B3GALT1: variants seen among roughly 807,000 people sequenced by gnomAD.
B3GALT1 encodes the protein beta-1,3-galactosyltransferase 1.
Under a neutral mutation model 23.2 loss-of-function variants are expected in B3GALT1, and 10 were observed. That is an observed-to-expected ratio of 0.43 (90% CI 0.27 to 0.73). The LOEUF (loss-of-function observed/expected upper bound fraction) is 0.73, where lower values mean the gene tolerates loss of function less well. B3GALT1 is among the 30% of genes least tolerant of loss of function. The probability of loss-of-function intolerance (pLI) is 0.21; values close to 1 mark genes in which losing one functional copy is unlikely to be tolerated. For synonymous variants in B3GALT1, 156 were observed against 141.5 expected (o/e 1.10, Z -0.73); for missense variants, 299 against 405.4 (o/e 0.74, Z 2.25).
intron 3 of B3GALT1, among the ~76,000 whole-genome samples, chr2:167,719,229 T>C (rs1169647570): frequency 6.6e-6 from 1 of 152,250 alleles, no homozygotes; most frequent in Non-Finnish European, 1.5e-5. Flanking sequence ...TTACTCATTT[T>C]CTATGTTTTT....
rs141167824 is a variant in B3GALT1, at chr2:167,816,986, T to C, written c.-351-1686T>C. Among the ~76,000 whole-genome samples the C allele has an allele frequency of 1.3e-3, 204 of 152,312 alleles. 1 individual carries two copies. The highest frequency in any genetic ancestry group is 4.4e-3 in the African/African-American group (183 of 41,572). ...CCAAGTGTTGCAATACTTTTGATTG[T>C]TTCTGGGACTCTTTTGCTTTGGTAT... On this transcript the variant is annotated intron_variant, in intron 3 of 4. Coordinates refer to ENST00000392690, the MANE Select transcript of B3GALT1 (RefSeq NM_020981.4).
intron 3 of B3GALT1, among the ~76,000 whole-genome samples, chr2:167,694,335 T>C (rs1486638795): frequency 2.0e-5 from 3 of 152,184 alleles, no homozygotes; most frequent in African/African-American, 7.2e-5. Context: ...TTTCAATTAA[T>C]AGATCATTTA....
chr2:167,520,604 T>C (rs1368133689), intron 2 of B3GALT1, among the ~76,000 whole-genome samples: 1 of 152,198 alleles, frequency 6.6e-6, no homozygotes, highest in African/African-American at 2.4e-5. Context: ...AAAAAACCGT[T>C]GCCATGACTT....
intron 2 of B3GALT1, among the ~76,000 whole-genome samples, chr2:167,498,743 A>G (rs1699809677): frequency 1.3e-5 from 2 of 152,154 alleles, no homozygotes; most frequent in African/African-American, 4.8e-5. Flanking sequence ...TCTGAAAAAG[A>G]TGCAATTCAT....
chr2:167,462,449 A>G (rs1253074371), intron 1 of B3GALT1, among the ~76,000 whole-genome samples: 1 of 152,168 alleles, frequency 6.6e-6, no homozygotes, highest in Non-Finnish European at 1.5e-5. Context: ...CAAGACCTTT[A>G]TCCTTTCCCT....
chr2:167,699,990 G>A (rs1011016149), intron 3 of B3GALT1, among the ~76,000 whole-genome samples: 3 of 152,214 alleles, frequency 2.0e-5, no homozygotes, highest in African/African-American at 7.2e-5. Context: ...TGGGATTACA[G>A]GCGTGAGCCA....
At chr2:167,390,001 GACATGAGCTGTATTAAGGAC>G (rs1412077040) in intron 1 of B3GALT1, among the ~76,000 whole-genome samples, 2 of 151,966 alleles carry the variant, frequency 1.3e-5, no homozygotes, top group African/African-American at 2.4e-5. Flanking sequence ...GACTGAGAGG[GACATGAGCTGTATTAAGGAC>G]GCATCAAGGC....
rs111300780 is a variant in B3GALT1, at chr2:167,518,580, A to G, written c.-410+28303A>G. On this transcript the variant is annotated intron_variant, in intron 2 of 4. Coordinates refer to ENST00000392690, the MANE Select transcript of B3GALT1 (RefSeq NM_020981.4). Reference sequence around the variant, plus strand: ...GTAAGAATTCAGCATGCAATAGCTGATATCAGCATCATCTCAGGAACTGTT... The same window carrying G: ...GTAAGAATTCAGCATGCAATAGCTGGTATCAGCATCATCTCAGGAACTGTT... Among the ~76,000 whole-genome samples the G allele has an allele frequency of 5.5e-3, 842 of 152,338 alleles. 12 individuals are homozygous for G. The highest frequency in any genetic ancestry group is 5.7e-3 in the Non-Finnish European group (386 of 68,014).
intron 4 of B3GALT1, among the ~76,000 whole-genome samples, chr2:167,828,703 A>T (rs1231037631): frequency 6.6e-6 from 1 of 152,200 alleles, no homozygotes; most frequent in Admixed American, 6.5e-5. Flanking sequence ...ACTCTATGCT[A>T]AGCACTGTGC....
intron 4 of B3GALT1, among the ~76,000 whole-genome samples, chr2:167,827,617 G>A (rs1408438990): frequency 2.6e-5 from 4 of 152,174 alleles, no homozygotes; most frequent in Admixed American, 1.3e-4. Context: ...TCCCTGCTCA[G>A]TGCGTGGCTG....
chr2:167,565,452 A>G (rs1017768464), intron 2 of B3GALT1, among the ~76,000 whole-genome samples: 5 of 152,194 alleles, frequency 3.3e-5, no homozygotes, highest in Admixed American at 6.5e-5. Flanking sequence ...CAAGGGCAAG[A>G]ACTTCATGTC....
In B3GALT1 at chr2:167,358,201, G is replaced by A. The variant is rs796975936; in HGVS notation, c.-511+64867G>A. On this transcript the variant is annotated intron_variant, in intron 1 of 4. Transcript: ENST00000392690. ...CCAATTACATTAGAAAGAGCCAAAG[G>A]TCAAGGCAGAAAAACCAAGATAAGT... Among the ~76,000 whole-genome samples, 47 of 152,270 alleles carry A rather than the reference G, an allele frequency of 3.1e-4. 1 individual carries two copies. Among genetic ancestry groups the A allele is most frequent in the African/African-American group, 1.1e-3 (46 of 41,550 alleles).
At chr2:167,528,929 A>G (rs1683271114) in intron 2 of B3GALT1, among the ~76,000 whole-genome samples, 1 of 152,042 alleles carries the variant, frequency 6.6e-6, no homozygotes, top group Non-Finnish European at 1.5e-5. Flanking sequence ...TTGTATTAAT[A>G]GTAAAACTCC....
intron 2 of B3GALT1, among the ~76,000 whole-genome samples, chr2:167,553,852 T>C (rs1033777076): frequency 5.3e-5 from 8 of 152,142 alleles, no homozygotes; most frequent in Non-Finnish European, 1.2e-4. Flanking sequence ...AGAAAACAAA[T>C]TTTGCAATCA....
chr2:167,521,029 C>T (rs1318034569), intron 2 of B3GALT1, among the ~76,000 whole-genome samples: 1 of 151,750 alleles, frequency 6.6e-6, no homozygotes, highest in Non-Finnish European at 1.5e-5. Flanking sequence ...CTGTGGACTT[C>T]ATTTGCAACA....
intron 3 of B3GALT1, chr2:167,713,651 A>T: frequency 7.5e-7 from 1 of 1,334,962 alleles, no homozygotes; most frequent in African/African-American, 1.5e-5. Flanking sequence ...AAGCAAAAAT[A>T]TTGTCAGATT....
At chr2:167,577,400 G>A (rs1298555111) in intron 2 of B3GALT1, among the ~76,000 whole-genome samples, 1 of 151,754 alleles carries the variant, frequency 6.6e-6, no homozygotes, top group Admixed American at 6.6e-5. Context: ...TTTATCAAGT[G>A]GAAAGATAGG....
intron 1 of B3GALT1, among the ~76,000 whole-genome samples, chr2:167,361,489 A>G (rs887448621): frequency 6.6e-6 from 1 of 152,254 alleles, no homozygotes; most frequent in East Asian, 1.9e-4. Context: ...AAACCATAAG[A>G]TGCAAACAAA....
intron 3 of B3GALT1, among the ~76,000 whole-genome samples, chr2:167,741,883 T>A (rs1363501270): frequency 6.6e-6 from 1 of 152,208 alleles, no homozygotes; most frequent in Non-Finnish European, 1.5e-5. Flanking sequence ...GGCAACTTCA[T>A]AACTTACTGA....
Sources: gnomAD v4.1 joint callset for allele counts (sites outside exome capture counted in the v4.1 genomes callset) on GRCh38, gnomAD v4.1.1 for gene constraint, MANE v1.5 for transcripts, NCBI Gene and HGNC (gene_info 2026-07-23, HGNC 2026-07-21) for gene names.